EPHA5: variants seen among roughly 807,000 people sequenced by gnomAD.
The protein encoded by EPHA5 is EPH receptor A5.
Under a neutral mutation model 105.0 loss-of-function variants are expected in EPHA5, and 60 were observed. The ratio of observed to expected loss-of-function variants is 0.57; its 90% CI spans 0.46 to 0.71. The LOEUF is 0.71. EPHA5 is among the 30% of genes least tolerant of loss of function. The pLI, the probability that EPHA5 is intolerant of heterozygous loss-of-function variation, is 0.00. For synonymous variants in EPHA5, 513 were observed against 449.1 expected (o/e 1.14, Z -1.80); for missense variants, 1,218 against 1,274.7 (o/e 0.96, Z 0.68).
intron 3 of EPHA5, among the ~76,000 whole-genome samples, chr4:65,500,375 T>A (rs1236676555): frequency 6.6e-6 from 1 of 151,274 alleles, no homozygotes; most frequent in Non-Finnish European, 1.5e-5. Context: ...CTACCCATGC[T>A]TGAAGGCTCG....
intron 11 of EPHA5, among the ~76,000 whole-genome samples, chr4:65,354,677 CATAGAATGACAGCTTGCAT>C (rs1462039207): frequency 6.6e-6 from 1 of 151,496 alleles, no homozygotes; most frequent in Non-Finnish European, 1.5e-5. Flanking sequence ...TGACTCAGGT[CATAGAATGACAGCTTGCAT>C]ATTTACACAT....
At chr4:65,344,716 C>T (rs1577868831) in intron 14 of EPHA5, among the ~76,000 whole-genome samples, 1 of 152,114 alleles carries the variant, frequency 6.6e-6, no homozygotes, top group Non-Finnish European at 1.5e-5. Context: ...AATGAAACCA[C>T]GCAGTGTTCT....
At chr4:65,351,742 G>T in intron 12 of EPHA5, 144 bp from the exon 13 acceptor site, 1 of 710,984 alleles carries the variant, frequency 1.4e-6, no homozygotes, top group African/African-American at 1.8e-5. Context: ...TTGGAAAATG[G>T]TAGGAAGTAT....
intron 3 of EPHA5, among the ~76,000 whole-genome samples, chr4:65,496,432 ATG>A (rs1731946401): frequency 7.3e-6 from 1 of 136,280 alleles, no homozygotes; most frequent in Non-Finnish European, 1.5e-5. Flanking sequence ...TCCTGTGTCC[ATG>A]TGATCTCATT....
chr4:65,598,692 G>A (rs73225794), intron 3 of EPHA5, among the ~76,000 whole-genome samples: 37,735 of 152,086 alleles, frequency 0.25, 4,901 homozygotes, highest in African/African-American at 0.27. Context: ...CATCTTCTCT[G>A]TAGAAGGGAT....
chr4:65,538,517 C>A (rs1736513206), intron 3 of EPHA5, among the ~76,000 whole-genome samples: 1 of 151,732 alleles, frequency 6.6e-6, no homozygotes, highest in African/African-American at 2.4e-5. Flanking sequence ...CTAGAAGTCA[C>A]CCCGTATGGG....
chr4:65,669,247 G>C (rs1281428448), intron 1 of EPHA5, among the ~76,000 whole-genome samples: 1 of 151,552 alleles, frequency 6.6e-6, no homozygotes, highest in African/African-American at 2.4e-5. Context: ...CCATCCCCCT[G>C]GAACGGGCCT....
In EPHA5 at chr4:65,657,055, C is replaced by T. The variant is rs748736708; in HGVS notation, c.181+12507G>A. Among the ~76,000 whole-genome samples the T allele has an allele frequency of 4.1e-4, 62 of 151,522 alleles. 1 individual carries two copies. In the Middle Eastern group the frequency reaches 0.01, roughly 25 times the overall value. On this transcript the variant is annotated intron_variant, in intron 1 of 16. Coordinates refer to ENST00000613740, the MANE Select transcript of EPHA5 (RefSeq NM_001281766.3). ...ATCACACATTTTAAACTTTCTTCCA[C>T]GTAAATCTATCTTAAAATGCTATTC... is the stretch of plus-strand genomic sequence containing the variant.
chr4:65,364,862 T>G (rs1001514085), intron 11 of EPHA5, among the ~76,000 whole-genome samples, 155 bp downstream of exon 11: 1 of 151,656 alleles, frequency 6.6e-6, no homozygotes, highest in African/African-American at 2.4e-5. Flanking sequence ...CATTGAAGAT[T>G]AGCTTTAACA....
chr4:65,501,659 C>T (rs140242607), intron 3 of EPHA5, among the ~76,000 whole-genome samples: 57 of 151,714 alleles, frequency 3.8e-4, no homozygotes, highest in Middle Eastern at 3.4e-3. Context: ...GAATCAACAT[C>T]ATTAAAATGC....
chr4:65,516,877 A>G (rs1734156717), intron 3 of EPHA5, among the ~76,000 whole-genome samples: 1 of 152,074 alleles, frequency 6.6e-6, no homozygotes, highest in Non-Finnish European at 1.5e-5. Flanking sequence ...AATTGTTAAT[A>G]ATTTATTGAG....
intron 5 of EPHA5, among the ~76,000 whole-genome samples, chr4:65,466,568 G>C (rs1728738362): frequency 6.6e-6 from 1 of 152,166 alleles, no homozygotes; most frequent in Non-Finnish European, 1.5e-5. Flanking sequence ...AGAAAATAAG[G>C]ACATTCACCA....
intron 3 of EPHA5, among the ~76,000 whole-genome samples, chr4:65,594,294 T>A (rs898021916): frequency 6.6e-6 from 1 of 152,128 alleles, no homozygotes; most frequent in Non-Finnish European, 1.5e-5. Flanking sequence ...TTAAGAGGTG[T>A]TTACACAAAT....
intron 3 of EPHA5, among the ~76,000 whole-genome samples, chr4:65,528,120 A>G (rs1012119428): frequency 2.6e-5 from 4 of 152,106 alleles, no homozygotes; most frequent in Non-Finnish European, 4.4e-5. Context: ...TTAGATAACA[A>G]AATGTTTCCT....
chr4:65,343,231 A>G (rs987706294), intron 14 of EPHA5, among the ~76,000 whole-genome samples: 2 of 152,190 alleles, frequency 1.3e-5, no homozygotes, highest in Non-Finnish European at 2.9e-5. Context: ...GCTTCTACTG[A>G]CTACATGATA....
chr4:65,488,431 G>A (rs1218767009), intron 5 of EPHA5, among the ~76,000 whole-genome samples: 3 of 108,002 alleles, frequency 2.8e-5, no homozygotes, highest in South Asian at 3.1e-4. Flanking sequence ...AAGATGTTTC[G>A]TAAGAAGGCT....
At chr4:65,520,595 A>T in intron 3 of EPHA5, among the ~76,000 whole-genome samples, 2 of 152,180 alleles carry the variant, frequency 1.3e-5, no homozygotes, top group Admixed American at 6.5e-5. Flanking sequence ...CAGGCAACCT[A>T]CAGAATGGGA....
intron 3 of EPHA5, among the ~76,000 whole-genome samples, chr4:65,574,699 CATATATAT>C (rs1281843317): frequency 0.016 from 1,213 of 76,922 alleles, 10 homozygotes; most frequent in Non-Finnish European, 0.022. Flanking sequence ...CATATATATA[CATATATAT>C]ACATATATAT....
At chr4:65,461,148 A>G (rs918719682) in intron 5 of EPHA5, among the ~76,000 whole-genome samples, 5 of 152,072 alleles carry the variant, frequency 3.3e-5, no homozygotes, top group African/African-American at 1.2e-4. Flanking sequence ...ATCAGCAATT[A>G]GCAATAAGAG....
Sources: gnomAD v4.1 joint callset for allele counts (sites outside exome capture counted in the v4.1 genomes callset) on GRCh38, gnomAD v4.1.1 for gene constraint, MANE v1.5 for transcripts, NCBI Gene and HGNC (gene_info 2026-07-23, HGNC 2026-07-21) for gene names.